SPEF2: variants seen among roughly 807,000 people sequenced by gnomAD.
The protein encoded by SPEF2 is sperm flagella and cilia-associated protein 2.
Under a neutral mutation model 224.6 loss-of-function variants are expected in SPEF2, and 187 were observed. That is an observed-to-expected ratio of 0.83 (90% CI 0.74 to 0.94). The LOEUF is 0.94. SPEF2 is among the 40% of genes least tolerant of loss of function. The pLI, the probability that SPEF2 is intolerant of heterozygous loss-of-function variation, is 0.00. For synonymous variants in SPEF2, 715 were observed against 707.3 expected (o/e 1.01, Z -0.17); for missense variants, 2,170 against 2,135.6 (o/e 1.02, Z -0.32).
chr5:35,751,796 C>G (rs558573920), intron 23 of SPEF2, among the ~76,000 whole-genome samples: 1 of 152,132 alleles, frequency 6.6e-6, no homozygotes, highest in African/African-American at 2.4e-5. Context: ...TCTGGCTCTA[C>G]CACATTGAAA....
intron 23 of SPEF2, among the ~76,000 whole-genome samples, chr5:35,751,431 A>G (rs1377898774): frequency 6.6e-6 from 1 of 151,544 alleles, no homozygotes; most frequent in Non-Finnish European, 1.5e-5. Context: ...TTACTTATGT[A>G]CCCAAATACC....
intron 23 of SPEF2, 60 bp downstream of exon 23, chr5:35,740,327 A>T: frequency 6.3e-7 from 1 of 1,594,906 alleles, no homozygotes; most frequent in Non-Finnish European, 8.6e-7. Context: ...TGTCCTGCAA[A>T]ACCCCAACTC....
intron 10 of SPEF2, among the ~76,000 whole-genome samples, chr5:35,679,123 A>C (rs935716650): frequency 1.3e-5 from 2 of 152,184 alleles, no homozygotes; most frequent in African/African-American, 4.8e-5. Flanking sequence ...CATATTACCC[A>C]GGAACAGTAA....
Position 35,660,801 on chromosome 5 carries a change from C to T in SPEF2, c.1167+1594C>T, listed in dbSNP as rs985836332. 3.9e-5 allele frequency among the ~76,000 whole-genome samples: 6 copies of T among 152,284 alleles called. 1 individual carries two copies. On this transcript the variant is annotated intron_variant, in intron 8 of 36. Coordinates refer to ENST00000356031, the MANE Select transcript of SPEF2 (RefSeq NM_024867.4). ...AAATAGCAAAGTATGTTTAGCTGGA[C>T]TGGTCTCACAGTGATAAGGATCATC...
At chr5:35,626,754 A>T (rs910825624) in intron 1 of SPEF2, among the ~76,000 whole-genome samples, 4 of 152,108 alleles carry the variant, frequency 2.6e-5, no homozygotes, top group African/African-American at 9.7e-5. Flanking sequence ...TATTACTCTG[A>T]GTATAAAGGG....
chr5:35,644,716 A>T (rs1013593660), intron 4 of SPEF2, among the ~76,000 whole-genome samples, 191 bp downstream of exon 4: 1 of 151,442 alleles, frequency 6.6e-6, no homozygotes, highest in Non-Finnish European at 1.5e-5. Flanking sequence ...ACTCTTGCTG[A>T]CTCTCACCTC....
Position 35,722,796 on chromosome 5 carries a change from C to T in SPEF2, c.2915-4879C>T, listed in dbSNP as rs1419881978. On this transcript the variant is annotated intron_variant, in intron 20 of 36. Coordinates refer to ENST00000356031, the MANE Select transcript of SPEF2 (RefSeq NM_024867.4). The stretch of plus-strand genomic sequence containing the variant: ...TGATGATTTCCAATTTCATCCATGT[C>T]CCTACAAAGGACATGAACTCATCAT... Among the ~76,000 whole-genome samples the T allele has an allele frequency of 2.6e-5, 4 of 151,458 alleles. No individual in the cohort carries two copies. The South Asian group carries it at 8.4e-4, about 32-fold the overall frequency.
At chr5:35,699,174 A>G (rs1204325942) in intron 15 of SPEF2, 1 of 152,148 alleles carries the variant, frequency 6.6e-6, no homozygotes, top group Non-Finnish European at 1.5e-5. Flanking sequence ...CTTCCTTGTT[A>G]CACTATTGGA....
At chr5:35,632,404 C>A (rs1487842832) in intron 2 of SPEF2, among the ~76,000 whole-genome samples, 2 of 152,136 alleles carry the variant, frequency 1.3e-5, no homozygotes, top group Admixed American at 6.5e-5. Context: ...CATCATATCT[C>A]ATGAGAACTC....
chr5:35,620,072 AG>A (rs1435244160), intron 1 of SPEF2, among the ~76,000 whole-genome samples: 5 of 152,184 alleles, frequency 3.3e-5, no homozygotes, highest in Non-Finnish European at 7.3e-5. Context: ...AGATAGAGCG[AG>A]AGAGTCCTTG....
At chr5:35,720,741 C>T (rs1400924291) in intron 20 of SPEF2, among the ~76,000 whole-genome samples, 4 of 152,066 alleles carry the variant, frequency 2.6e-5, no homozygotes, top group Non-Finnish European at 5.9e-5. Context: ...AAGATATAAC[C>T]TAAAGAAGAT....
At chr5:35,775,594 A>G (rs982188482) in intron 28 of SPEF2, among the ~76,000 whole-genome samples, 3 of 152,128 alleles carry the variant, frequency 2.0e-5, no homozygotes, top group Non-Finnish European at 4.4e-5. Context: ...AGGGAAAATT[A>G]TGAGCAGTAA....
intron 18 of SPEF2, among the ~76,000 whole-genome samples, chr5:35,707,645 G>A (rs1740063082): frequency 6.6e-6 from 1 of 152,258 alleles, no homozygotes; most frequent in East Asian, 1.9e-4. Flanking sequence ...GTCAGGGAGG[G>A]TGTGCCAGGA....
In SPEF2 at chr5:35,727,776, A is replaced by C; in HGVS notation, c.3016A>C (p.Lys1006Gln). The change falls in exon 21 of 37, where the codon AAG (lysine) becomes CAG (glutamine). Residue 1006 changes from lysine (K) to glutamine (Q), a missense_variant. Physicochemically the swap from Lys to Gln is moderately conservative, Grantham distance 53. Transcript: ENST00000356031. The part of the protein sequence containing the change: ...SPVAIVPQPP[K>Q]PGSEEWVYVN... ...TGTTGCAATAGTGCCACAGCCACCT[A>C]AGCCAGGATCAGAAGAATGGGTCTA... The C allele has an allele frequency of 6.2e-7, 1 of 1,614,028 alleles. No individual in the cohort carries two copies. Among genetic ancestry groups the C allele is most frequent in the African/African-American group, 1.3e-5 (1 of 75,056 alleles).
chr5:35,746,106 AT>A (rs1338972970), intron 23 of SPEF2, among the ~76,000 whole-genome samples: 1 of 152,236 alleles, frequency 6.6e-6, no homozygotes, highest in African/African-American at 2.4e-5. Flanking sequence ...AGGAAGCCAC[AT>A]CCATAGGAAA....
intron 8 of SPEF2, among the ~76,000 whole-genome samples, chr5:35,662,329 C>A (rs1749861380): frequency 6.6e-6 from 1 of 152,038 alleles, no homozygotes; most frequent in Non-Finnish European, 1.5e-5. Flanking sequence ...GGATATTAGA[C>A]CTTTGTCAGA....
At chr5:35,649,233 C>A (rs1264827177) in intron 5 of SPEF2, 128 bp from the exon 6 acceptor site, 2 of 719,330 alleles carry the variant, frequency 2.8e-6, no homozygotes, top group Non-Finnish European at 4.4e-6. Flanking sequence ...TTTTAGAATG[C>A]AGCTTTTCAT....
chr5:35,765,437 T>C (rs1389459808), intron 26 of SPEF2, among the ~76,000 whole-genome samples: 1 of 152,196 alleles, frequency 6.6e-6, no homozygotes, highest in Non-Finnish European at 1.5e-5. Context: ...CATAGATAAC[T>C]GTTGGGTATA....
intron 30 of SPEF2, among the ~76,000 whole-genome samples, chr5:35,786,625 A>C (rs1350918105): frequency 1.3e-5 from 2 of 152,050 alleles, no homozygotes; most frequent in Non-Finnish European, 2.9e-5. Flanking sequence ...GTGCCACTGG[A>C]CTCCAGCCCT....
Sources: allele counts gnomAD v4.1 joint callset (sites outside exome capture counted in the v4.1 genomes callset), GRCh38; gene constraint gnomAD v4.1.1; transcripts MANE v1.5; gene names NCBI Gene and HGNC (gene_info 2026-07-23, HGNC 2026-07-21).